The following C10orf105 variants were observed in gnomAD, a reference collection of about 807,000 sequenced individuals.
The protein encoded by C10orf105 is chromosome 10 open reading frame 105.
In C10orf105, 2 loss-of-function variants were observed where a neutral mutation model predicts 0.6. The ratio of observed to expected loss-of-function variants is 3.18; its 90% CI spans 1.30 to 10.01. The LOEUF is 10.01. Ranked by LOEUF, C10orf105 falls within the 30% of genes most tolerant of loss-of-function variation. The pLI is 0.04. For synonymous variants in C10orf105, 95 were observed against 82.4 expected, an observed-to-expected ratio of 1.15 and a Z score of -0.83; for missense variants, 209 against 191.4, an observed-to-expected ratio of 1.09 and a Z score of -0.54.
At position 71,715,987 on chromosome 10, in the gene C10orf105, G is replaced by C; in HGVS notation, c.351C>G (p.Gly117=). The part of the protein sequence containing the change: ...RPTVPRQPLP[G]PEDNRSHCDY... ...CACAGTGGCTGCGGTTGTCCTCGGG[G>C]CCCGGCAGGGGCTGTCGAGGGACGG... Residue 117 remains glycine (G), a synonymous_variant, in exon 2 of 2, where the codon GGC becomes GGG. Coordinates refer to ENST00000441508, the MANE Select transcript of C10orf105 (RefSeq NM_001164375.3). 6.7e-7 allele frequency: 1 copy of C among 1,493,730 alleles called. No individual in the cohort carries two copies. The highest frequency in any genetic ancestry group is 8.9e-7 in the Non-Finnish European group (1 of 1,121,642). The allele number at this position is 1,493,730 out of a possible 1,614,324, so 92.5% of individuals were successfully genotyped here. A position where few individuals can be genotyped will look rare whatever the true frequency, so the allele number is the denominator to read the frequency against.
chr10:71,736,862 G>T (rs904459966), intron 1 of C10orf105, among the ~76,000 whole-genome samples: 5 of 152,188 alleles, frequency 3.3e-5, no homozygotes, highest in Non-Finnish European at 7.4e-5. Context: ...CTGAGAGAAA[G>T]CCTATAATAA....
rs1866015964 is a variant in C10orf105 at position 71,712,537 on chromosome 10, C to G, written c.*3399G>C. On this transcript the variant is annotated 3_prime_UTR_variant, in exon 2 of 2. Coordinates refer to ENST00000441508, the MANE Select transcript of C10orf105 (RefSeq NM_001164375.3). The stretch of plus-strand genomic sequence containing the variant: ...AAGCTAAAAAGGAAGTCACCCCTTG[C>G]AAAGGCTAGGGCAGATGGGGCGGAA... 2.0e-6 allele frequency: 2 copies of G among 1,014,160 alleles called. No individual in the cohort carries two copies. Among genetic ancestry groups the G allele is most frequent in the African/African-American group, 1.6e-5 (1 of 61,738 alleles). 62.8% of individuals were successfully genotyped at this position (1,014,160 alleles called of 1,614,324 possible). A position where few individuals can be genotyped will look rare whatever the true frequency, so the allele number is the denominator to read the frequency against.
At chr10:71,718,115 C>T (rs1277841208) in intron 1 of C10orf105, among the ~76,000 whole-genome samples, 1 of 152,170 alleles carries the variant, frequency 6.6e-6, no homozygotes, top group Admixed American at 6.5e-5. Flanking sequence ...GCAGATTTTC[C>T]TCCTTCCCAG....
rs1866199651 is a variant in C10orf105, at chr10:71,715,946, G to A, written c.392C>T (p.Thr131Ile). 3 of 1,469,134 alleles carry A rather than the reference G, an allele frequency of 2.0e-6. No homozygotes were observed. In the South Asian group the frequency reaches 4.3e-5, roughly 21 times the overall value. 91.0% of individuals were successfully genotyped at this position (1,469,134 alleles called of 1,614,324 possible). The change falls in exon 2 of 2, where the codon ACC (threonine) becomes ATC (isoleucine). Residue 131 changes from threonine (T) to isoleucine (I), a missense_variant. Physicochemically the swap from Thr to Ile is moderately conservative, Grantham distance 89 (BLOSUM62 -1). Coordinates refer to ENST00000441508, the MANE Select transcript of C10orf105 (RefSeq NM_001164375.3). ...TTTGTGGACACCCCATTACATCTTG[G>A]TAGATTCCATGTAGTCACAGTGGCT... ...NRSHCDYMES[T>I]KM is the part of the protein sequence containing the mutation.
At chr10:71,736,360 T>G (rs954450198) in intron 1 of C10orf105, among the ~76,000 whole-genome samples, 1 of 152,170 alleles carries the variant, frequency 6.6e-6, no homozygotes, top group Non-Finnish European at 1.5e-5. Flanking sequence ...TTTCCTCTGC[T>G]AGGCCGGAAC....
Position 71,716,024 on chromosome 10 carries a change from T to C in C10orf105, c.314A>G (p.His105Arg), listed in dbSNP as rs1866207987. The C allele has an allele frequency of 4.0e-6, 6 of 1,500,570 alleles. No homozygotes were observed. The South Asian group carries it at 7.9e-5, about 20-fold the overall frequency. The allele number at this position is 1,500,570 out of a possible 1,614,324, so 93.0% of individuals were successfully genotyped here. The change falls in exon 2 of 2, where the codon CAT becomes CGT. Residue 105 changes from histidine to arginine, a missense_variant. His to Arg is a conservative substitution (Grantham distance 29). Transcript: ENST00000441508. Reference sequence around the variant, plus strand: ...CTGTCGAGGGACGGTGGGCCGGCCATGGCGGAAGCTGTGCAGGGAGAGGCG... The same window carrying C: ...CTGTCGAGGGACGGTGGGCCGGCCACGGCGGAAGCTGTGCAGGGAGAGGCG... ...SLRLSLHSFR[H>R]GRPTVPRQPL...
upstream of C10orf105, chr10:71,724,081 C>T (rs996942254): frequency 6.4e-6 from 10 of 1,559,774 alleles, no homozygotes; most frequent in Non-Finnish European, 8.7e-6. Flanking sequence ...CGAGTTTGGG[C>T]GTGTGTGGTA....
chr10:71,721,695 G>A (rs542469605), upstream of C10orf105, among the ~76,000 whole-genome samples: 3 of 152,260 alleles, frequency 2.0e-5, no homozygotes, highest in East Asian at 1.9e-4. Flanking sequence ...GATGTGCATC[G>A]AGGCCAGCGC....
intron 1 of C10orf105, among the ~76,000 whole-genome samples, chr10:71,718,571 T>C (rs1241802871): frequency 6.6e-6 from 1 of 152,166 alleles, no homozygotes; most frequent in Non-Finnish European, 1.5e-5. Context: ...CACCGCTCAT[T>C]CCCGTGGGGA....
rs1458043371 is a variant in C10orf105, at chr10:71,712,728, T to C, written c.*3208A>G. On this transcript the variant is annotated 3_prime_UTR_variant, in exon 2 of 2. Coordinates refer to ENST00000441508, the MANE Select transcript of C10orf105 (RefSeq NM_001164375.3). Reference sequence around the variant, plus strand: ...ACCGTGTTCGTCACTGTCCTGGATGTGAATGACAACCGGCCCATCTTTCTG... The same window carrying C: ...ACCGTGTTCGTCACTGTCCTGGATGCGAATGACAACCGGCCCATCTTTCTG... 1 of 1,613,704 alleles carries C rather than the reference T, an allele frequency of 6.2e-7. No homozygotes were observed. Among genetic ancestry groups the C allele is most frequent in the African/African-American group, 1.3e-5 (1 of 75,070 alleles).
rs1866760514 is a variant in C10orf105 at position 71,725,365 on chromosome 10, C to T, written c.-5-9023G>A. The T allele has an allele frequency of 1.2e-6, 2 of 1,613,948 alleles. No homozygotes were observed. Among genetic ancestry groups the T allele is most frequent in the Admixed American group, 1.7e-5 (1 of 60,014 alleles). On this transcript the variant is annotated intron_variant, in intron 1 of 1. Transcript: ENST00000398786. The stretch of plus-strand genomic sequence containing the variant: ...CGGTGTTCCAGGGGGTCTGTCCCTC[C>T]ACACAGGTAACCATGGCAACAACTT...
At chr10:71,722,766 A>G (rs1866617790), upstream of C10orf105, among the ~76,000 whole-genome samples, 1 of 152,172 alleles carries the variant, frequency 6.6e-6, no homozygotes, top group Non-Finnish European at 1.5e-5. Flanking sequence ...ATCTGGAGGG[A>G]GAGCTTGCCA....
chr10:71,724,635 G>A (rs1866724958), upstream of C10orf105, among the ~76,000 whole-genome samples: 1 of 152,124 alleles, frequency 6.6e-6, no homozygotes, highest in Non-Finnish European at 1.5e-5. Flanking sequence ...CTGAAGTCCT[G>A]CTGTCCTGCA....
At chr10:71,730,327 C>G in intron 1 of C10orf105, 1 of 1,019,930 alleles carries the variant, frequency 9.8e-7, no homozygotes, top group South Asian at 1.7e-5. Flanking sequence ...AGTGACCCAC[C>G]AGACAGGCCT....
At chr10:71,720,192 G>A (rs1409882098), upstream of C10orf105, among the ~76,000 whole-genome samples, 3 of 152,208 alleles carry the variant, frequency 2.0e-5, no homozygotes, top group Non-Finnish European at 4.4e-5. Flanking sequence ...AGCCCCTGAG[G>A]CCCCTCCTGC....
At chr10:71,725,360 C>A in intron 1 of C10orf105, 4 of 1,613,960 alleles carry the variant, frequency 2.5e-6, no homozygotes, top group Non-Finnish European at 3.4e-6. Context: ...GGGGGTCTGT[C>A]CCTCCACACA....
chr10:71,724,585 A>G (rs1866723489), upstream of C10orf105, among the ~76,000 whole-genome samples: 1 of 152,162 alleles, frequency 6.6e-6, no homozygotes. Flanking sequence ...TACAGGCGTG[A>G]GCCACCGTGC....
Position 71,712,368 on chromosome 10 carries a change from T to A in C10orf105, c.*3568A>T, listed in dbSNP as rs1164153479. On this transcript the variant is annotated 3_prime_UTR_variant, in exon 2 of 2. Coordinates refer to ENST00000441508, the MANE Select transcript of C10orf105 (RefSeq NM_001164375.3). Reference sequence around the variant, plus strand: ...TTTTGGGAGCCATCATTCAATCCACTTGAGTGCCTCAGTTACCTCCTCTGT... The same window carrying A: ...TTTTGGGAGCCATCATTCAATCCACATGAGTGCCTCAGTTACCTCCTCTGT... The A allele has an allele frequency of 3.1e-6, 1 of 322,610 alleles. No homozygotes were observed. The highest frequency in any genetic ancestry group is 5.3e-5 in the East Asian group (1 of 18,944). The allele number at this position is 322,610 out of a possible 1,614,324, so 20.0% of individuals were successfully genotyped here.
At chr10:71,733,275 G>A (rs1264705434) in intron 1 of C10orf105, among the ~76,000 whole-genome samples, 3 of 152,164 alleles carry the variant, frequency 2.0e-5, no homozygotes, top group East Asian at 1.9e-4. Context: ...TGCCCTCCTC[G>A]GACATGCCAC....
Sources: allele counts gnomAD v4.1 joint callset (sites outside exome capture counted in the v4.1 genomes callset), GRCh38; gene constraint gnomAD v4.1.1; transcripts MANE v1.5; gene names NCBI Gene and HGNC (gene_info 2026-07-23, HGNC 2026-07-21).